The following ZNF140 variants were observed in gnomAD, a reference collection of about 807,000 sequenced individuals.
The protein encoded by ZNF140 is zinc finger protein 140.
In ZNF140, 13 loss-of-function variants were observed where a neutral mutation model predicts 12.9. The ratio of observed to expected loss-of-function variants is 1.01; its 90% confidence interval spans 0.66 to 1.60. ZNF140 has a LOEUF of 1.60. Among genes scored for constraint, ZNF140 ranks in the 40% most tolerant of loss-of-function variants. The pLI, the probability that ZNF140 is intolerant of heterozygous loss-of-function variation, is 0.00. For synonymous variants in ZNF140, 214 were observed against 186.7 expected, an observed-to-expected ratio of 1.15 and a Z score of -1.19; for missense variants, 531 against 548.8, an observed-to-expected ratio of 0.97 and a Z score of 0.32.
intron 4 of ZNF140, 97 bp downstream of exon 4, chr12:133,083,658 C>T (rs1332170651): frequency 2.2e-5 from 27 of 1,224,106 alleles, no homozygotes; most frequent in South Asian, 2.8e-5. Flanking sequence ...GAAAATTTTC[C>T]CTTAAAGATA....
At chr12:133,104,475 CTGAG>C (rs1267918650) in intron 4 of ZNF140, among the ~76,000 whole-genome samples, 2 of 152,018 alleles carry the variant, frequency 1.3e-5, no homozygotes, top group Non-Finnish European at 2.9e-5. Flanking sequence ...CCTCAGCCTC[CTGAG>C]TACCTGGGAC....
At chr12:133,096,495 A>G (rs1467846607) in intron 4 of ZNF140, among the ~76,000 whole-genome samples, 2 of 152,180 alleles carry the variant, frequency 1.3e-5, no homozygotes, top group African/African-American at 4.8e-5. Context: ...ATTTTTTCTA[A>G]TATATTAATT....
intron 4 of ZNF140, among the ~76,000 whole-genome samples, chr12:133,092,480 G>A (rs1954927207): frequency 6.6e-6 from 1 of 151,186 alleles, no homozygotes; most frequent in Admixed American, 6.6e-5. Context: ...TGTCAGATTG[G>A]AATTTAGGTT....
chr12:133,087,821 C>T (rs1162807326), intron 4 of ZNF140, among the ~76,000 whole-genome samples: 1 of 152,108 alleles, frequency 6.6e-6, no homozygotes, highest in African/African-American at 2.4e-5. Flanking sequence ...ATATTTATAT[C>T]TCTTTATCTT....
At chr12:133,091,190 C>T (rs1954871379) in intron 4 of ZNF140, among the ~76,000 whole-genome samples, 1 of 150,452 alleles carries the variant, frequency 6.6e-6, no homozygotes, top group South Asian at 2.1e-4. Flanking sequence ...TGGGAGAAAC[C>T]TTGGACAATA....
chr12:133,091,093 A>T (rs951150575), intron 4 of ZNF140, among the ~76,000 whole-genome samples: 64 of 149,266 alleles, frequency 4.3e-4, no homozygotes, highest in Admixed American at 8.7e-4. Flanking sequence ...TTACTCATCC[A>T]TCTCAGCACA....
At chr12:133,083,068 G>T (rs890280235) in intron 2 of ZNF140, 35 bp from the exon 3 acceptor site, 5 of 1,613,900 alleles carry the variant, frequency 3.1e-6, no homozygotes, top group Middle Eastern at 1.7e-4. Flanking sequence ...GGGGGCATGC[G>T]TGCTGGTCAT....
At chr12:133,100,943 A>G in intron 4 of ZNF140, 1 of 451,338 alleles carries the variant, frequency 2.2e-6, no homozygotes, top group South Asian at 1.6e-5. Flanking sequence ...AACATGAATT[A>G]TTTCTGGAAT....
chr12:133,093,160 T>G (rs1367469362), intron 4 of ZNF140, among the ~76,000 whole-genome samples: 9 of 151,228 alleles, frequency 6.0e-5, no homozygotes, highest in Non-Finnish European at 1.2e-4. Context: ...TTATCATCAT[T>G]CCTTCTTCAG....
At position 133,091,903 on chromosome 12, in the gene ZNF140, T is replaced by G. The variant is rs1044257397; in HGVS notation, c.232+8342T>G. 2.2e-4 allele frequency among the ~76,000 whole-genome samples: 34 copies of G among 151,192 alleles called. 3 individuals carry two copies. The highest frequency in any genetic ancestry group is 8.3e-4 in the African/African-American group (34 of 40,812). On this transcript the variant is annotated intron_variant, in intron 4 of 4. Transcript: ENST00000355557. ...CATGTCCCAGTGATGTTCAGATTCA[T>G]TATAGGCTCGAGGTGTAATACAAAA...
chr12:133,097,849 G>GTGTT (rs1955189118), intron 4 of ZNF140, among the ~76,000 whole-genome samples: 1 of 146,382 alleles, frequency 6.8e-6, no homozygotes. Context: ...GTGTGTGTGT[G>GTGTT]TTTTTGAGAT....
chr12:133,092,235 CTTCTG>C (rs1954917375), intron 4 of ZNF140, among the ~76,000 whole-genome samples: 1 of 151,016 alleles, frequency 6.6e-6, no homozygotes, highest in Non-Finnish European at 1.5e-5. Context: ...CCTTTTAATA[CTTCTG>C]TTAAGATATG....
Position 133,090,860 on chromosome 12 carries a change from A to G in ZNF140, c.232+7299A>G, listed in dbSNP as rs1184818106. Among the ~76,000 whole-genome samples, 29 of 131,928 alleles carry G rather than the reference A, an allele frequency of 2.2e-4. 1 individual carries two copies. The highest frequency in any genetic ancestry group is 4.3e-4 in the Non-Finnish European group (25 of 58,700). 86.5% of individuals were successfully genotyped at this position (131,928 alleles called of 152,430 possible). On this transcript the variant is annotated intron_variant, in intron 4 of 4. Transcript: ENST00000355557. ...AGGTACTATGCCTAGATGTGCATGT[A>G]ATCCAGATTTATGTTTCTCTCCACC...
chr12:133,091,154 C>T lies in ZNF140; in HGVS notation c.232+7593C>T, dbSNP rs997949523. Among the ~76,000 whole-genome samples, 808 of 150,130 alleles carry T rather than the reference C, an allele frequency of 5.4e-3. 40 individuals are homozygous for T. The highest frequency in any genetic ancestry group is 0.019 in the African/African-American group (770 of 40,572). On this transcript the variant is annotated intron_variant, in intron 4 of 4. Coordinates refer to ENST00000355557, the MANE Select transcript of ZNF140 (RefSeq NM_003440.4). Reference sequence around the variant, plus strand: ...GGACGGTCAGGTCTTTCTCATCCCACGAGGCCATATTTCAGACTCTCACAT... The same window carrying T: ...GGACGGTCAGGTCTTTCTCATCCCATGAGGCCATATTTCAGACTCTCACAT...
intron 4 of ZNF140, among the ~76,000 whole-genome samples, chr12:133,090,635 A>G (rs1355528404): frequency 7.5e-6 from 1 of 133,066 alleles, no homozygotes; most frequent in Non-Finnish European, 1.7e-5. Context: ...GTATAGAGAA[A>G]CAACAGTGGG....
upstream of ZNF140, chr12:133,080,502 T>G (rs1430889549): frequency 6.6e-6 from 1 of 152,240 alleles, no homozygotes; most frequent in Non-Finnish European, 1.5e-5. Context: ...GTTTCTCCGC[T>G]AGTTGTGCGC....
chr12:133,104,715 AATG>A (rs1955518048), intron 4 of ZNF140, among the ~76,000 whole-genome samples: 1 of 152,208 alleles, frequency 6.6e-6, no homozygotes, highest in South Asian at 2.1e-4. Flanking sequence ...CCAATTTAAA[AATG>A]ATGAAGTCCC....
chr12:133,103,755 T>C (rs770969320), intron 4 of ZNF140, among the ~76,000 whole-genome samples: 71 of 152,186 alleles, frequency 4.7e-4, no homozygotes, highest in African/African-American at 1.4e-3. Flanking sequence ...GTGTCTTATA[T>C]CAATATTTTC....
chr12:133,096,238 T>C (rs1225410159), intron 4 of ZNF140, among the ~76,000 whole-genome samples: 1 of 152,106 alleles, frequency 6.6e-6, no homozygotes, highest in Non-Finnish European at 1.5e-5. Context: ...GTATACTGCT[T>C]GTAAACATTT....
Sources: allele counts gnomAD v4.1 joint callset (sites outside exome capture counted in the v4.1 genomes callset), GRCh38; gene constraint gnomAD v4.1.1; transcripts MANE v1.5; gene names NCBI Gene and HGNC (gene_info 2026-07-23, HGNC 2026-07-21).